The following CATSPERT variants were observed in gnomAD, a reference collection of about 807,000 sequenced individuals.
CATSPERT encodes the protein catsper channel auxiliary subunit tau.
chr2:201,603,747 C>G, the CATSPERT span, among the ~76,000 whole-genome samples: 3 of 152,252 alleles, frequency 2.0e-5, 1 homozygote, highest in Middle Eastern at 6.8e-3. Context: ...GCTCTTGCAC[C>G]AAGTTTTTCT....
At chr2:201,598,586 C>T in the CATSPERT span, among the ~76,000 whole-genome samples, 1 of 152,036 alleles carries the variant, frequency 6.6e-6, no homozygotes. Context: ...AAGGCTATAG[C>T]TCCAACCACT....
the CATSPERT span, chr2:201,547,380 G>A: frequency 2.0e-5 from 11 of 555,518 alleles, no homozygotes; most frequent in Non-Finnish European, 3.4e-5. Flanking sequence ...GTAAGTACCT[G>A]AACCATGAAA....
the CATSPERT span, among the ~76,000 whole-genome samples, chr2:201,537,796 C>G: frequency 3.3e-5 from 5 of 151,828 alleles, no homozygotes; most frequent in Middle Eastern, 3.4e-3. Context: ...GAAGAAGAGA[C>G]TAGAATAAAG....
chr2:201,492,825 C>A, the CATSPERT span: 4 of 1,536,526 alleles, frequency 2.6e-6, no homozygotes, highest in Non-Finnish European at 3.5e-6. Flanking sequence ...GTAAGTCCTC[C>A]TTGGTGATAT....
At chr2:201,612,027 C>T in the CATSPERT span, among the ~76,000 whole-genome samples, 2 of 152,220 alleles carry the variant, frequency 1.3e-5, no homozygotes, top group South Asian at 2.1e-4. Context: ...GGCCCTGTAA[C>T]CAAATAAATA....
At chr2:201,494,816 A>G in the CATSPERT span, 1 of 1,425,600 alleles carries the variant, frequency 7.0e-7, no homozygotes. Flanking sequence ...AATTTATCAT[A>G]TATTTTCTAG....
chr2:201,568,907 T>A, the CATSPERT span, among the ~76,000 whole-genome samples: 1 of 152,206 alleles, frequency 6.6e-6, no homozygotes, highest in South Asian at 2.1e-4. Context: ...CCACTGGATA[T>A]GTTCAGGGAC....
chr2:201,591,446 T>C, the CATSPERT span, among the ~76,000 whole-genome samples: 1 of 152,202 alleles, frequency 6.6e-6, no homozygotes, highest in African/African-American at 2.4e-5. Context: ...TCTTTTGGCT[T>C]AGGATTGACT....
At chr2:201,609,338 A>G in the CATSPERT span, among the ~76,000 whole-genome samples, 1 of 152,218 alleles carries the variant, frequency 6.6e-6, no homozygotes, top group African/African-American at 2.4e-5. Flanking sequence ...TAAACCAAAT[A>G]GACCTAACAG....
chr2:201,577,722 G>A, the CATSPERT span, among the ~76,000 whole-genome samples: 1 of 152,320 alleles, frequency 6.6e-6, no homozygotes. Flanking sequence ...GGTTACCAGA[G>A]GCTGGGGAGT....
chr2:201,603,390 C>A, the CATSPERT span: 1 of 809,454 alleles, frequency 1.2e-6, no homozygotes, highest in Non-Finnish European at 1.8e-6. Flanking sequence ...GTTGGTTTTT[C>A]TCATTTGAAA....
At chr2:201,534,517 A>G in the CATSPERT span, 13 of 985,280 alleles carry the variant, frequency 1.3e-5, no homozygotes, top group Non-Finnish European at 1.6e-5. Flanking sequence ...AGAGCTCATT[A>G]TAAAACCTAA....
chr2:201,610,758 A>AAT, the CATSPERT span, among the ~76,000 whole-genome samples: 47 of 151,748 alleles, frequency 3.1e-4, no homozygotes, highest in South Asian at 6.2e-4. Context: ...TCAAAAAGAT[A>AAT]ATATATATAT....
At chr2:201,549,667 C>T in the CATSPERT span, 1 of 152,164 alleles carries the variant, frequency 6.6e-6, no homozygotes, top group South Asian at 2.1e-4. Flanking sequence ...TTTCAAGATG[C>T]AGCATCATCT....
chr2:201,498,139 T>C, the CATSPERT span, among the ~76,000 whole-genome samples: 79 of 151,436 alleles, frequency 5.2e-4, 2 homozygotes, highest in Non-Finnish European at 7.4e-4. Flanking sequence ...TAAAAGGGAG[T>C]TTATTAGGAA....
the CATSPERT span, among the ~76,000 whole-genome samples, chr2:201,582,927 T>C: frequency 0.054 from 8,193 of 152,048 alleles, 265 homozygotes; most frequent in African/African-American, 0.077. Flanking sequence ...CCCCAAGAAA[T>C]GAGAAAAAGG....
chr2:201,505,875 G>T, the CATSPERT span, among the ~76,000 whole-genome samples: 1 of 152,018 alleles, frequency 6.6e-6, no homozygotes, highest in Non-Finnish European at 1.5e-5. Flanking sequence ...GTGGATGAGG[G>T]GTATATAGGA....
At chr2:201,595,468 G>A in the CATSPERT span, among the ~76,000 whole-genome samples, 16 of 152,224 alleles carry the variant, frequency 1.1e-4, no homozygotes, top group East Asian at 3.9e-4. Context: ...GATTACAGGC[G>A]TGAGCCACCG....
the CATSPERT span, among the ~76,000 whole-genome samples, chr2:201,593,414 T>G: frequency 6.6e-6 from 1 of 151,962 alleles, no homozygotes; most frequent in Non-Finnish European, 1.5e-5. Context: ...ATGTGGTCAA[T>G]TTTGGAATAG....
Sources: gnomAD v4.1 joint callset for allele counts (sites outside exome capture counted in the v4.1 genomes callset) on GRCh38, gnomAD v4.1.1 for gene constraint, MANE v1.5 for transcripts, NCBI Gene and HGNC (gene_info 2026-07-23, HGNC 2026-07-21) for gene names.